DNAH11: variants seen among roughly 807,000 people sequenced by gnomAD.
The protein encoded by DNAH11 is axonemal beta dynein heavy chain 11.
A neutral mutation model predicts 526.0 loss-of-function variants in DNAH11; 442 were observed. That is an observed-to-expected ratio of 0.84 (90% CI 0.78 to 0.91). DNAH11 has a LOEUF of 0.91. Among genes scored for constraint, DNAH11 ranks in the 40% least tolerant of loss-of-function variants. The probability of loss-of-function intolerance (pLI) is 0.00; values close to 1 mark genes in which losing one functional copy is unlikely to be tolerated. For synonymous variants in DNAH11, 2,461 were observed against 1,935.9 expected, an observed-to-expected ratio of 1.27 and a Z score of -7.12; for missense variants, 6,989 against 5,448.7, an observed-to-expected ratio of 1.28 and a Z score of -8.90.
chr7:21,862,159 G>A, intron 69 of DNAH11, 136 bp downstream of exon 69: 1 of 912,332 alleles, frequency 1.1e-6, no homozygotes, highest in South Asian at 2.0e-5. Context: ...TGGCATGAGG[G>A]GAATTTGCTT....
chr7:21,739,644 G>A lies in DNAH11; in HGVS notation c.7885G>A (p.Gly2629Ser), dbSNP rs777565689. 1 of 1,612,530 alleles carries A rather than the reference G, an allele frequency of 6.2e-7. No individual in the cohort carries two copies. Among genetic ancestry groups the A allele is most frequent in the East Asian group, 2.2e-5 (1 of 44,850 alleles). The change falls in exon 48 of 82, where the codon GGC (glycine) becomes AGC (serine). Residue 2629 changes from glycine to serine, a missense_variant. Transcript: ENST00000409508. ...TGTCGCCTGCATGAATCCGATGGTG[G>A]GCAGCTTCACCATCAATCCCAGGCT... is the stretch of plus-strand genomic sequence containing the variant. ...QYVACMNPMV[G>S]SFTINPRLQR...
At chr7:21,650,965 A>C (rs572279965) in intron 28 of DNAH11, among the ~76,000 whole-genome samples, 1,774 of 152,114 alleles carry the variant, frequency 0.012, 29 homozygotes, top group African/African-American at 0.04. Flanking sequence ...AAAAAAAAAA[A>C]AAAACACATG....
Position 21,807,236 on chromosome 7 carries a change from C to T in DNAH11, c.10166-647C>T, listed in dbSNP as rs568487088. ...ACATCAGGCCAGGTGCGGTGGCTCA[C>T]GCCTGTAATCCCAGCACTTTAGAAG... On this transcript the variant is annotated intron_variant, in intron 62 of 81. Transcript: ENST00000409508. Among the ~76,000 whole-genome samples, 6 of 152,284 alleles carry T rather than the reference C, an allele frequency of 3.9e-5. No homozygotes were observed. The South Asian group carries it at 1.2e-3, about 32-fold the overall frequency.
chr7:21,808,006 A>G lies in DNAH11; in HGVS notation c.10289A>G (p.Gln3430Arg), dbSNP rs1165627746. 1.9e-6 allele frequency: 3 copies of G among 1,587,174 alleles called. No individual in the cohort carries two copies. The highest frequency in any genetic ancestry group is 3.4e-5 in the Admixed American group (2 of 58,792). Reference protein sequence around the residue: ...YVGPFTRQYRQELVHCKWVPF... With the variant: ...YVGPFTRQYRRELVHCKWVPF... ...GGACCCTTCACAAGGCAGTATCGCC[A>G]GGAGCTGGTGCACTGCAAGTGGGTT... Residue 3430 changes from glutamine to arginine, a missense_variant, in exon 63 of 82, where the codon CAG becomes CGG. Physicochemically the swap from Gln to Arg is conservative, Grantham distance 43. Coordinates refer to ENST00000409508, the MANE Select transcript of DNAH11 (RefSeq NM_001277115.2).
chr7:21,602,831 A>G (rs188278418), intron 18 of DNAH11, among the ~76,000 whole-genome samples: 2 of 152,220 alleles, frequency 1.3e-5, no homozygotes, highest in African/African-American at 2.4e-5. Flanking sequence ...CATTTAAACA[A>G]TTTCTCTATA....
At position 21,687,158 on chromosome 7, in the gene DNAH11, C is replaced by G; in HGVS notation, c.5681C>G (p.Pro1894Arg). Residue 1894 changes from proline to arginine, a missense_variant, in exon 33 of 82, where the codon CCA becomes CGA. Coordinates refer to ENST00000409508, the MANE Select transcript of DNAH11 (RefSeq NM_001277115.2). ...ACCATGAGTGGGGCTCCTGCTGGCC[C>G]AGCTGGTACCGGGAAAACAGAGACC... Reference protein sequence around the residue: ...HLTMSGAPAGPAGTGKTETTK... With the variant: ...HLTMSGAPAGRAGTGKTETTK... 1.2e-6 allele frequency: 2 copies of G among 1,613,320 alleles called. No individual in the cohort carries two copies. The highest frequency in any genetic ancestry group is 2.2e-5 in the South Asian group (2 of 90,928).
chr7:21,866,612 A>C lies in DNAH11; in HGVS notation c.11639A>C (p.Lys3880Thr). Reference protein sequence around the residue: ...QEWKKKSLIQKLILLRAMRPD... With the variant: ...QEWKKKSLIQTLILLRAMRPD... ...TGGAAGAAGAAAAGTTTAATACAGA[A>C]GCTGATTCTTCTGAGAGCAATGCGC... The change falls in exon 71 of 82, where the codon AAG becomes ACG. Residue 3880 changes from lysine to threonine, a missense_variant. Lys to Thr is a moderately conservative substitution (Grantham distance 78). Transcript: ENST00000409508. 6.2e-7 allele frequency: 1 copy of C among 1,613,932 alleles called. No individual in the cohort carries two copies. The highest frequency in any genetic ancestry group is 2.2e-5 in the East Asian group (1 of 44,878).
chr7:21,784,972 C>A (rs1163713345), intron 58 of DNAH11, among the ~76,000 whole-genome samples: 1 of 152,140 alleles, frequency 6.6e-6, no homozygotes, highest in African/African-American at 2.4e-5. Context: ...GCAAAGATAC[C>A]TAGGTTTGGT....
At chr7:21,697,627 T>C (rs899607830) in intron 35 of DNAH11, among the ~76,000 whole-genome samples, 13 of 152,324 alleles carry the variant, frequency 8.5e-5, no homozygotes, top group African/African-American at 2.6e-4. Context: ...TTTAGTGATA[T>C]TGTGTTGGTA....
chr7:21,774,904 G>T (rs556521497), intron 56 of DNAH11, among the ~76,000 whole-genome samples: 2 of 152,322 alleles, frequency 1.3e-5, no homozygotes, highest in African/African-American at 4.8e-5. Context: ...GGCCTTCTCA[G>T]AGTCATGTCA....
chr7:21,877,874 C>CAAAAAAAAAA (rs59694030), intron 74 of DNAH11, among the ~76,000 whole-genome samples: 2 of 66,612 alleles, frequency 3.0e-5, no homozygotes, highest in Non-Finnish European at 2.5e-5. Context: ...GACTCCATCT[C>CAAAAAAAAAA]AAAAAAAAAA....
At chr7:21,758,557 C>T (rs1162056700) in intron 54 of DNAH11, among the ~76,000 whole-genome samples, 1 of 151,980 alleles carries the variant, frequency 6.6e-6, no homozygotes, top group Non-Finnish European at 1.5e-5. Context: ...ATCCAATAAT[C>T]ACACACAAAA....
chr7:21,736,330 C>A (rs1353263806), intron 46 of DNAH11, among the ~76,000 whole-genome samples: 1 of 152,090 alleles, frequency 6.6e-6, no homozygotes, highest in Non-Finnish European at 1.5e-5. Flanking sequence ...ATCAAAAGAA[C>A]CACACAGATT....
rs763055953 is a variant in DNAH11, at chr7:21,778,984, C to G, written c.9363C>G (p.Ala3121=). 1 of 1,613,180 alleles carries G rather than the reference C, an allele frequency of 6.2e-7. No homozygotes were observed. The highest frequency in any genetic ancestry group is 1.3e-5 in the African/African-American group (1 of 74,986). The change falls in exon 57 of 82, where the codon GCC becomes GCG. Residue 3121 remains alanine, a synonymous_variant. Coordinates refer to ENST00000409508, the MANE Select transcript of DNAH11 (RefSeq NM_001277115.2). ...TGGGAGATCTAAAAGCCAGACTTGC[C>G]TCTCAAGAAGCCGAGCTGCAACTGA... ...SQVGDLKARL[A]SQEAELQLRN...
intron 54 of DNAH11, among the ~76,000 whole-genome samples, chr7:21,761,205 G>T (rs1583666941): frequency 6.6e-6 from 1 of 152,172 alleles, no homozygotes; most frequent in South Asian, 2.1e-4. Context: ...GATGGCAGGA[G>T]AAATTTTATG....
At chr7:21,663,679 T>C (rs916333570) in intron 30 of DNAH11, among the ~76,000 whole-genome samples, 1 of 152,128 alleles carries the variant, frequency 6.6e-6, no homozygotes, top group Non-Finnish European at 1.5e-5. Context: ...AGTGAGATCA[T>C]ACAGTATTTG....
At chr7:21,889,074 T>G (rs552057242) in intron 76 of DNAH11, among the ~76,000 whole-genome samples, 1 of 140,300 alleles carries the variant, frequency 7.1e-6, no homozygotes, top group African/African-American at 2.6e-5. Context: ...CATATTCCCC[T>G]ATACCCCAGC....
intron 70 of DNAH11, 90 bp downstream of exon 70, chr7:21,864,747 G>A: frequency 1.6e-6 from 2 of 1,256,454 alleles, no homozygotes; most frequent in Non-Finnish European, 2.1e-6. Context: ...AAAGAATACA[G>A]GTGATGTATT....
At chr7:21,833,356 A>G (rs1781861361) in intron 65 of DNAH11, among the ~76,000 whole-genome samples, 2 of 152,184 alleles carry the variant, frequency 1.3e-5, no homozygotes, top group Non-Finnish European at 2.9e-5. Flanking sequence ...ACTCTCCACA[A>G]GGGGATGAAT....
Sources: allele counts gnomAD v4.1 joint callset (sites outside exome capture counted in the v4.1 genomes callset), GRCh38; gene constraint gnomAD v4.1.1; transcripts MANE v1.5; gene names NCBI Gene and HGNC (gene_info 2026-07-23, HGNC 2026-07-21).